Variants in SBF2 observed in about 807,000 individuals in gnomAD.
SBF2 encodes the protein SET binding factor 2.
SBF2 carries 112 observed loss-of-function variants against 225.2 expected under a neutral mutation model. That is an observed-to-expected ratio of 0.50 (90% CI 0.43 to 0.58). SBF2 has a LOEUF of 0.58. SBF2 is among the 20% of genes least tolerant of loss of function. The pLI is 0.00. For missense variants in SBF2, 1,996 were observed against 2,206.2 expected (o/e 0.90, Z 1.91); for synonymous variants, 763 against 773.3 (o/e 0.99, Z 0.22).
At chr11:9,832,470 G>T (rs954901245) in intron 26 of SBF2, 50 bp from the exon 27 acceptor site, 1 of 1,302,294 alleles carries the variant, frequency 7.7e-7, no homozygotes, top group Non-Finnish European at 1.1e-6. Flanking sequence ...AGGAACAGAG[G>T]GGAAGAAAAG....
intron 17 of SBF2, among the ~76,000 whole-genome samples, chr11:9,882,541 G>A (rs1295465169): frequency 2.0e-5 from 3 of 152,110 alleles, no homozygotes; most frequent in East Asian, 1.9e-4. Context: ...GGGCATGGTG[G>A]CTCATGTCTG....
chr11:10,278,773 G>A (rs530147304), intron 1 of SBF2, among the ~76,000 whole-genome samples: 3 of 132,548 alleles, frequency 2.3e-5, no homozygotes, highest in Admixed American at 7.9e-5. Context: ...CAACAAGAAC[G>A]AAACTCCATC....
At chr11:9,926,381 G>A (rs1864056472) in intron 16 of SBF2, among the ~76,000 whole-genome samples, 1 of 151,482 alleles carries the variant, frequency 6.6e-6, no homozygotes, top group Admixed American at 6.6e-5. Flanking sequence ...AAAATCTTAA[G>A]TAGGGAAAAA....
At chr11:9,955,248 T>C (rs1866086491) in intron 16 of SBF2, among the ~76,000 whole-genome samples, 1 of 152,080 alleles carries the variant, frequency 6.6e-6, no homozygotes, top group Non-Finnish European at 1.5e-5. Flanking sequence ...TTGGTATCTC[T>C]CTTATCAGGA....
At chr11:9,879,702 A>C (rs915190229) in intron 17 of SBF2, among the ~76,000 whole-genome samples, 4 of 152,228 alleles carry the variant, frequency 2.6e-5, no homozygotes, top group Admixed American at 2.6e-4. Flanking sequence ...GCACTAGGTT[A>C]GGTGCTTTAC....
Position 9,779,592 on chromosome 11 carries a change from T to C in SBF2, c.*826A>G, listed in dbSNP as rs1590064140. The C allele has an allele frequency of 6.5e-6, 1 of 152,850 alleles. No homozygotes were observed. The highest frequency in any genetic ancestry group is 2.4e-5 in the African/African-American group (1 of 41,450). The allele number at this position is 152,850 out of a possible 1,614,324, so 9.5% of individuals were successfully genotyped here. A position where few individuals can be genotyped will look rare whatever the true frequency, so the allele number is the denominator to read the frequency against. ...CTGTCTTTCCAACATCTTCACTTCA[T>C]TGGGAATTCAGTGCAAGTGTTTGTT... On this transcript the variant is annotated 3_prime_UTR_variant, in exon 40 of 40. Transcript: ENST00000256190.
chr11:9,973,089 C>T (rs1057264133), intron 13 of SBF2, among the ~76,000 whole-genome samples: 2 of 152,180 alleles, frequency 1.3e-5, no homozygotes, highest in African/African-American at 4.8e-5. Flanking sequence ...TAACGGGCAG[C>T]ATGATAAATG....
intron 2 of SBF2, among the ~76,000 whole-genome samples, chr11:10,148,216 G>A (rs1333694041): frequency 6.6e-6 from 1 of 152,162 alleles, no homozygotes; most frequent in Admixed American, 6.5e-5. Context: ...GTGGCGGTGA[G>A]CAGGAGTATC....
intron 13 of SBF2, among the ~76,000 whole-genome samples, chr11:9,986,419 G>A (rs1947200977): frequency 6.6e-6 from 1 of 151,824 alleles, no homozygotes; most frequent in Non-Finnish European, 1.5e-5. Flanking sequence ...CAGAAGAAAG[G>A]AAATAACCAG....
intron 30 of SBF2, chr11:9,809,354 T>C (rs531014167): frequency 3.3e-5 from 8 of 244,276 alleles, no homozygotes; most frequent in African/African-American, 1.1e-4. Context: ...TTTAAAACAA[T>C]ACATTCTAGT....
intron 17 of SBF2, among the ~76,000 whole-genome samples, chr11:9,893,823 CT>C (rs1399917927): frequency 6.6e-6 from 1 of 152,234 alleles, no homozygotes; most frequent in African/African-American, 2.4e-5. Flanking sequence ...TCCAAGTTTG[CT>C]TCTTTGTTAG....
At chr11:9,904,890 C>T (rs1459710362) in intron 16 of SBF2, among the ~76,000 whole-genome samples, 2 of 152,114 alleles carry the variant, frequency 1.3e-5, no homozygotes, top group South Asian at 2.1e-4. Flanking sequence ...GGTGTGGTGT[C>T]ATGTGCCTGT....
intron 16 of SBF2, among the ~76,000 whole-genome samples, chr11:9,942,808 G>A (rs1284298076): frequency 2.6e-5 from 4 of 151,246 alleles, no homozygotes; most frequent in Non-Finnish European, 5.9e-5. Flanking sequence ...TGAAGCCTGG[G>A]CGACAGAGTA....
intron 16 of SBF2, among the ~76,000 whole-genome samples, chr11:9,930,288 C>T (rs1196969097): frequency 6.6e-6 from 1 of 152,000 alleles, no homozygotes; most frequent in Non-Finnish European, 1.5e-5. Context: ...GTACTATTCA[C>T]CATTAAAAAG....
chr11:9,942,463 A>C (rs1474214975), intron 16 of SBF2, among the ~76,000 whole-genome samples: 1 of 152,210 alleles, frequency 6.6e-6, no homozygotes, highest in Admixed American at 6.5e-5. Flanking sequence ...GATTCAATGT[A>C]ATCTTAATTT....
chr11:10,285,041 G>A (rs1190838471), intron 1 of SBF2, among the ~76,000 whole-genome samples: 20 of 152,072 alleles, frequency 1.3e-4, no homozygotes, highest in Non-Finnish European at 2.5e-4. Flanking sequence ...CCAGTGAGGT[G>A]ACTCACGGCT....
intron 17 of SBF2, among the ~76,000 whole-genome samples, chr11:9,882,711 G>C (rs147550304): frequency 6.7e-6 from 1 of 148,964 alleles, no homozygotes; most frequent in African/African-American, 2.5e-5. Context: ...GGAGGCTGAG[G>C]CAGGAGAATC....
chr11:10,195,967 T>A (rs1052389989), intron 1 of SBF2, among the ~76,000 whole-genome samples: 2 of 152,124 alleles, frequency 1.3e-5, no homozygotes, highest in African/African-American at 4.8e-5. Context: ...AATTGCTAGG[T>A]GTTGGAGGTA....
At chr11:10,110,249 A>G (rs189093744) in intron 2 of SBF2, among the ~76,000 whole-genome samples, 47 of 152,336 alleles carry the variant, frequency 3.1e-4, no homozygotes, top group African/African-American at 1.1e-3. Context: ...TTGTTGAATT[A>G]TTACTAAATT....
Sources: gnomAD v4.1 joint callset for allele counts (sites outside exome capture counted in the v4.1 genomes callset) on GRCh38, gnomAD v4.1.1 for gene constraint, MANE v1.5 for transcripts, NCBI Gene and HGNC (gene_info 2026-07-23, HGNC 2026-07-21) for gene names.